The following CCDC178 variants were observed in gnomAD, a reference collection of about 807,000 sequenced individuals.
The protein encoded by CCDC178 is coiled-coil domain-containing protein 178.
Under a neutral mutation model 117.4 loss-of-function variants are expected in CCDC178, and 126 were observed. That is an observed-to-expected ratio of 1.07 (90% CI 0.93 to 1.24). The LOEUF (loss-of-function observed/expected upper bound fraction) is 1.24, where lower values mean the gene tolerates loss of function less well. CCDC178 is among the 50% of genes most tolerant of loss of function. The pLI is 0.00. For missense variants in CCDC178, 1,030 were observed against 986.9 expected, an observed-to-expected ratio of 1.04 and a Z score of -0.59; for synonymous variants, 283 against 313.4, an observed-to-expected ratio of 0.90 and a Z score of 1.02.
chr18:33,350,645 T>C (rs1568168259), intron 7 of CCDC178, among the ~76,000 whole-genome samples: 1 of 152,202 alleles, frequency 6.6e-6, no homozygotes, highest in Non-Finnish European at 1.5e-5. Flanking sequence ...ATTGTGTATA[T>C]ACAACACATT....
chr18:33,283,733 A>G (rs2060054119), intron 12 of CCDC178, among the ~76,000 whole-genome samples: 1 of 152,240 alleles, frequency 6.6e-6, no homozygotes, highest in Non-Finnish European at 1.5e-5. Flanking sequence ...AAGAATGGCT[A>G]TTACTAAAAA....
intron 6 of CCDC178, among the ~76,000 whole-genome samples, chr18:33,363,974 G>C (rs2063164803): frequency 6.6e-6 from 1 of 152,038 alleles, no homozygotes; most frequent in Admixed American, 6.6e-5. Flanking sequence ...TATGTGCTTT[G>C]CTTTGGTCAG....
At chr18:33,001,776 T>A (rs1420536655) in intron 21 of CCDC178, among the ~76,000 whole-genome samples, 1 of 152,116 alleles carries the variant, frequency 6.6e-6, no homozygotes, top group Non-Finnish European at 1.5e-5. Flanking sequence ...ATAGAGTGTC[T>A]GTTGCCTACA....
At chr18:33,179,078 A>AAAAATATAT (rs71159804) in intron 20 of CCDC178, among the ~76,000 whole-genome samples, 9 of 55,824 alleles carry the variant, frequency 1.6e-4, no homozygotes, top group African/African-American at 4.5e-4. Context: ...AAAAAAAAAA[A>AAAAATATAT]ATATATATAT....
At position 33,293,217 on chromosome 18, in the gene CCDC178, G is replaced by A; in HGVS notation, c.1118C>T (p.Thr373Ile). ...TGACTTTGTTTCCCTTATTGCTTCA[G>A]TCACTTCCTCTTCCTTCTCCTCAAT... Reference protein sequence around the residue: ...TNIEEKEEEVTEAIRETKSSK... With the variant: ...TNIEEKEEEVIEAIRETKSSK... Residue 373 changes from threonine to isoleucine, a missense_variant, in exon 12 of 23, where the codon ACT becomes ATT. Physicochemically the swap from Thr to Ile is moderately conservative, Grantham distance 89. Coordinates refer to ENST00000383096, the MANE Select transcript of CCDC178 (RefSeq NM_001105528.4). 6.3e-7 allele frequency: 1 copy of A among 1,595,768 alleles called. No homozygotes were observed. Among genetic ancestry groups the A allele is most frequent in the Non-Finnish European group, 8.6e-7 (1 of 1,165,832 alleles).
At chr18:33,311,841 C>A (rs1467284719) in intron 11 of CCDC178, among the ~76,000 whole-genome samples, 1 of 152,158 alleles carries the variant, frequency 6.6e-6, no homozygotes, top group Non-Finnish European at 1.5e-5. Context: ...TAGGAACCAC[C>A]TACAAGGTTT....
intron 20 of CCDC178, among the ~76,000 whole-genome samples, chr18:33,199,159 C>T: frequency 6.6e-6 from 1 of 151,946 alleles, no homozygotes; most frequent in South Asian, 2.1e-4. Flanking sequence ...GAATTACAGA[C>T]TGCTACTTTA....
chr18:33,267,037 T>A lies in CCDC178; in HGVS notation c.1288A>T (p.Ile430Phe). 4 of 1,588,178 alleles carry A rather than the reference T, an allele frequency of 2.5e-6. No individual in the cohort carries two copies. Among genetic ancestry groups the A allele is most frequent in the Non-Finnish European group, 3.4e-6 (4 of 1,172,922 alleles). The change falls in exon 14 of 23, where the codon ATT becomes TTT. Residue 430 changes from isoleucine to phenylalanine, a missense_variant. By Grantham distance (21) the Ile-to-Phe change is conservative. Coordinates refer to ENST00000383096, the MANE Select transcript of CCDC178 (RefSeq NM_001105528.4). ...DFYAAKKTWD[I>F]ELSDVAKDFS... is the part of the protein sequence containing the mutation. ...TCTTTTGCAACATCAGAAAGCTCAA[T>A]ATCCCATGTTTTTTTCTTTAAGAAA...
intron 20 of CCDC178, among the ~76,000 whole-genome samples, chr18:33,194,363 A>G (rs1287024126): frequency 6.6e-6 from 1 of 152,176 alleles, no homozygotes; most frequent in Non-Finnish European, 1.5e-5. Context: ...GAGCTATTCA[A>G]CTAGAGAGCT....
chr18:33,425,932 G>A (rs577092099), intron 2 of CCDC178, among the ~76,000 whole-genome samples: 78 of 151,906 alleles, frequency 5.1e-4, no homozygotes, highest in Non-Finnish European at 8.7e-4. Context: ...TTCTTTTTTC[G>A]TTTTTTCATC....
intron 3 of CCDC178, among the ~76,000 whole-genome samples, chr18:33,398,728 C>T (rs2063672325): frequency 6.6e-6 from 1 of 152,036 alleles, no homozygotes; most frequent in South Asian, 2.1e-4. Context: ...ACAAGCATAC[C>T]TCGGAGATAT....
Position 33,333,265 on chromosome 18 carries a change from A to G in CCDC178, c.788T>C (p.Ile263Thr), listed in dbSNP as rs760024170. 3.5e-5 allele frequency: 56 copies of G among 1,611,866 alleles called. No homozygotes were observed. Among genetic ancestry groups the G allele is most frequent in the Non-Finnish European group, 4.8e-5 (56 of 1,178,468 alleles). ...AGGGCCATGTTCATTCATGTAGTCT[A>G]TGTCTGCTTGAATCTTTGCATTTGC... ...EEANAKIQAD[I>T]DYMNEHGPLL... Residue 263 changes from isoleucine to threonine, a missense_variant, in exon 10 of 23, where the codon ATA becomes ACA. Ile to Thr is a moderately conservative substitution (Grantham distance 89). Coordinates refer to ENST00000383096, the MANE Select transcript of CCDC178 (RefSeq NM_001105528.4).
chr18:33,193,698 T>C (rs2058890870), intron 20 of CCDC178, among the ~76,000 whole-genome samples: 1 of 152,190 alleles, frequency 6.6e-6, no homozygotes, highest in African/African-American at 2.4e-5. Flanking sequence ...ACCCATAGTT[T>C]ATTGAAAAAC....
intron 21 of CCDC178, among the ~76,000 whole-genome samples, chr18:32,982,903 C>T (rs1174363129): frequency 3.9e-5 from 6 of 152,124 alleles, no homozygotes; most frequent in Non-Finnish European, 7.4e-5. Context: ...TGCCATTATA[C>T]GTTTGTCCAA....
At chr18:33,369,137 A>C (rs182986475) in intron 6 of CCDC178, among the ~76,000 whole-genome samples, 58 of 152,102 alleles carry the variant, frequency 3.8e-4, no homozygotes, top group African/African-American at 1.4e-3. Context: ...ATATAGAAAC[A>C]ACAAAGGTAA....
chr18:33,411,555 G>GT (rs2063854645), intron 3 of CCDC178, among the ~76,000 whole-genome samples: 1 of 151,962 alleles, frequency 6.6e-6, no homozygotes, highest in Non-Finnish European at 1.5e-5. Context: ...AAAAAATAAA[G>GT]TAATGCAATA....
Position 33,211,900 on chromosome 18 carries a change from G to T in CCDC178, c.2234C>A (p.Thr745Asn). 6.2e-7 allele frequency: 1 copy of T among 1,601,278 alleles called. No individual in the cohort carries two copies. Among genetic ancestry groups the T allele is most frequent in the Non-Finnish European group, 8.5e-7 (1 of 1,175,678 alleles). The change falls in exon 20 of 23, where the codon ACC becomes AAC. Residue 745 changes from threonine to asparagine, a missense_variant. Thr to Asn is a moderately conservative substitution (Grantham distance 65). Coordinates refer to ENST00000383096, the MANE Select transcript of CCDC178 (RefSeq NM_001105528.4). ...ACATGCAAAAATAATACTCACTTGG[G>T]TATCTTGAAGAGTTTTTTGTCTTAC... ...LAVRQKTLQD[T>N]QKIIADSLEE...
chr18:33,265,427 T>C (rs1416585449), intron 14 of CCDC178, among the ~76,000 whole-genome samples: 1 of 152,060 alleles, frequency 6.6e-6, no homozygotes, highest in Non-Finnish European at 1.5e-5. Context: ...GTGTATCACA[T>C]GTACATATGA....
intron 2 of CCDC178, among the ~76,000 whole-genome samples, chr18:33,428,515 C>T (rs1175932836): frequency 2.6e-5 from 4 of 151,770 alleles, no homozygotes; most frequent in East Asian, 1.9e-4. Context: ...AGGCAGATCA[C>T]GAGGTCAAGA....
Sources: allele counts gnomAD v4.1 joint callset (sites outside exome capture counted in the v4.1 genomes callset), GRCh38; gene constraint gnomAD v4.1.1; transcripts MANE v1.5; gene names NCBI Gene and HGNC (gene_info 2026-07-23, HGNC 2026-07-21).